Variants in MLANA observed in about 807,000 individuals in gnomAD.
MLANA encodes melanoma antigen recognized by T-cells 1.
Under a neutral mutation model 15.7 loss-of-function variants are expected in MLANA, and 21 were observed. The ratio of observed to expected loss-of-function variants is 1.33; its 90% confidence interval spans 0.95 to 1.92. The LOEUF (loss-of-function observed/expected upper bound fraction) is 1.92, where lower values mean the gene tolerates loss of function less well. Among genes scored for constraint, MLANA ranks in the 40% most tolerant of loss-of-function variants. MLANA has a pLI of 0.00. For synonymous variants in MLANA, 56 were observed against 51.5 expected, an observed-to-expected ratio of 1.09 and a Z score of -0.37; for missense variants, 164 against 143.8, an observed-to-expected ratio of 1.14 and a Z score of -0.72.
intron 2 of MLANA, among the ~76,000 whole-genome samples, chr9:5,897,024 T>C (rs1000737197): frequency 6.6e-6 from 1 of 152,238 alleles, no homozygotes; most frequent in Non-Finnish European, 1.5e-5. Context: ...CAGCGAGTCA[T>C]GTATCCTCTG....
intron 4 of MLANA, 115 bp from the exon 5 acceptor site, chr9:5,908,525 T>C (rs1254783176): frequency 5.5e-6 from 5 of 913,964 alleles, no homozygotes; most frequent in East Asian, 2.5e-5. Flanking sequence ...TGGGAACACT[T>C]AGAAATTTCA....
In MLANA at chr9:5,894,717, C is replaced by A. The variant is rs1212536117; in HGVS notation, c.77+2166C>A. Among the ~76,000 whole-genome samples, 1 of 152,092 alleles carries A rather than the reference C, an allele frequency of 6.6e-6. No individual in the cohort carries two copies. The highest frequency in any genetic ancestry group is 2.4e-5 in the African/African-American group (1 of 41,392). On this transcript the variant is annotated intron_variant, in intron 2 of 4. Coordinates refer to ENST00000381477, the MANE Select transcript of MLANA (RefSeq NM_005511.2). This position sits in a 1 kb window ranked among gnomAD's most constrained non-coding sequence, Gnocchi z 4.0. ...ATTGCTGGGGTGATCCTGACAGGAGCCAGAAGCACACTGGAAGGAGCTGCT... is the reference window on the plus strand; with the variant it reads ...ATTGCTGGGGTGATCCTGACAGGAGACAGAAGCACACTGGAAGGAGCTGCT...
At chr9:5,903,169 T>C (rs963452052) in intron 3 of MLANA, among the ~76,000 whole-genome samples, 1 of 152,258 alleles carries the variant, frequency 6.6e-6, no homozygotes, top group African/African-American at 2.4e-5. Context: ...GCTTTAATTC[T>C]ATTATAGTCT....
chr9:5,892,251 G>A (rs1831702536), intron 1 of MLANA, among the ~76,000 whole-genome samples, 199 bp from the exon 2 acceptor site: 1 of 152,162 alleles, frequency 6.6e-6, no homozygotes, highest in African/African-American at 2.4e-5. Context: ...GTTAGTAGGA[G>A]GGGTTAGAAA....
intron 3 of MLANA, among the ~76,000 whole-genome samples, chr9:5,906,674 C>T (rs890202739): frequency 3.3e-5 from 5 of 152,192 alleles, no homozygotes; most frequent in Non-Finnish European, 7.3e-5. Flanking sequence ...CTAGTTAATT[C>T]CCACAGCAAT....
At chr9:5,903,405 G>C (rs1035651169) in intron 3 of MLANA, among the ~76,000 whole-genome samples, 1 of 152,116 alleles carries the variant, frequency 6.6e-6, no homozygotes, top group Admixed American at 6.6e-5. Flanking sequence ...TGTTAGGTTT[G>C]ATTTGCTAAT....
chr9:5,901,043 T>G (rs528209186), intron 3 of MLANA, among the ~76,000 whole-genome samples: 1 of 152,144 alleles, frequency 6.6e-6, no homozygotes, highest in South Asian at 2.1e-4. Context: ...TATTTTAAAA[T>G]GTACACCCAG....
intron 3 of MLANA, among the ~76,000 whole-genome samples, chr9:5,900,989 G>A (rs1056617559): frequency 1.3e-5 from 2 of 152,084 alleles, no homozygotes; most frequent in African/African-American, 4.8e-5. Flanking sequence ...CTTGCTAAAA[G>A]GCAGATTCTG....
At chr9:5,906,363 A>G (rs1355891781) in intron 3 of MLANA, among the ~76,000 whole-genome samples, 1 of 151,612 alleles carries the variant, frequency 6.6e-6, no homozygotes, top group Non-Finnish European at 1.5e-5. Context: ...GAAAAGAAAA[A>G]AAAAGTTTTT....
intron 4 of MLANA, among the ~76,000 whole-genome samples, chr9:5,907,663 T>C (rs959462639): frequency 6.6e-6 from 1 of 152,176 alleles, no homozygotes; most frequent in Non-Finnish European, 1.5e-5. Context: ...AATTTTAAAA[T>C]TACATATGGC....
intron 1 of MLANA, among the ~76,000 whole-genome samples, chr9:5,892,006 G>T (rs1007970641): frequency 6.6e-6 from 1 of 152,176 alleles, no homozygotes; most frequent in Non-Finnish European, 1.5e-5. Flanking sequence ...TTGTCTGTGG[G>T]ATTGATATCC....
chr9:5,896,058 A>G (rs1390249960), intron 2 of MLANA, among the ~76,000 whole-genome samples: 2 of 152,178 alleles, frequency 1.3e-5, no homozygotes, highest in African/African-American at 4.8e-5. Context: ...CTCTGCAGGA[A>G]AAGCACTGGC....
chr9:5,896,273 G>A (rs1266047240), intron 2 of MLANA, among the ~76,000 whole-genome samples: 1 of 152,224 alleles, frequency 6.6e-6, no homozygotes, highest in Admixed American at 6.5e-5. Context: ...GGGGTGCCTA[G>A]CCCAGTGCCT....
At position 5,896,913 on chromosome 9, in the gene MLANA, G is replaced by A. The variant is rs537582779; in HGVS notation, c.78-644G>A. Among the ~76,000 whole-genome samples, 5 of 152,334 alleles carry A rather than the reference G, an allele frequency of 3.3e-5. No homozygotes were observed. The South Asian group carries it at 1.0e-3, about 32-fold the overall frequency. On this transcript the variant is annotated intron_variant, in intron 2 of 4. Coordinates refer to ENST00000381477, the MANE Select transcript of MLANA (RefSeq NM_005511.2). ...CAGACACTTCTCCCTAGGGCTGCAA[G>A]GAGCAAAGCGGGGAGTTTAGGGAAG...
At chr9:5,908,571 A>G in intron 4 of MLANA, 69 bp from the exon 5 acceptor site, 1 of 1,310,458 alleles carries the variant, frequency 7.6e-7, no homozygotes, top group Non-Finnish European at 1.1e-6. Flanking sequence ...TAACTATTTT[A>G]ACTTAATCCC....
At chr9:5,901,879 G>T (rs905683161) in intron 3 of MLANA, among the ~76,000 whole-genome samples, 3 of 152,120 alleles carry the variant, frequency 2.0e-5, no homozygotes, top group Non-Finnish European at 4.4e-5. Flanking sequence ...TTTTGTCATG[G>T]TATGTAATTC....
At chr9:5,892,256 T>G (rs1237027397) in intron 1 of MLANA, among the ~76,000 whole-genome samples, 194 bp from the exon 2 acceptor site, 2 of 152,186 alleles carry the variant, frequency 1.3e-5, no homozygotes, top group African/African-American at 4.8e-5. Context: ...TAGGAGGGGT[T>G]AGAAACCTGA....
At chr9:5,904,536 G>A (rs1832672508) in intron 3 of MLANA, among the ~76,000 whole-genome samples, 1 of 152,058 alleles carries the variant, frequency 6.6e-6, no homozygotes, top group Non-Finnish European at 1.5e-5. Context: ...GCAGTGGCAC[G>A]ATCTCAGCTC....
intron 2 of MLANA, 99 bp downstream of exon 2, chr9:5,892,650 G>C (rs1335047733): frequency 3.3e-6 from 3 of 913,146 alleles, no homozygotes; most frequent in Non-Finnish European, 4.9e-6. Context: ...AATCTCCCTA[G>C]TGTTTATCTC....
Sources: gnomAD v4.1 joint callset for allele counts (sites outside exome capture counted in the v4.1 genomes callset) on GRCh38, gnomAD v4.1.1 for gene constraint, Gnocchi (gnomAD v3.1) non-coding constraint, MANE v1.5 for transcripts, NCBI Gene and HGNC (gene_info 2026-07-23, HGNC 2026-07-21) for gene names.